Variants in MYOM1 observed in about 807,000 individuals in gnomAD.
MYOM1 encodes myomesin 1.
A neutral mutation model predicts 205.3 loss-of-function variants in MYOM1; 164 were observed. That is an observed-to-expected ratio of 0.80 (90% CI 0.70 to 0.91). MYOM1 has a LOEUF of 0.91. Among genes scored for constraint, MYOM1 ranks in the 40% least tolerant of loss-of-function variants. The pLI is 0.00. For synonymous variants in MYOM1, 772 were observed against 789.4 expected (o/e 0.98, Z 0.37); for missense variants, 2,011 against 2,127.3 (o/e 0.95, Z 1.08).
Position 3,219,025 on chromosome 18 carries a change from C to T in MYOM1, c.-29+778G>A. Among the ~76,000 whole-genome samples, 1 of 152,124 alleles carries T rather than the reference C, an allele frequency of 6.6e-6. No individual in the cohort carries two copies. Among genetic ancestry groups the T allele is most frequent in the Non-Finnish European group, 1.5e-5 (1 of 68,036 alleles). ...CCACCTCCTCTTCATCAAGTAAGCC[C>T]TTGAAGTTAACTAAAGCCAGGATTA... On this transcript the variant is annotated intron_variant, in intron 1 of 37. Transcript: ENST00000356443. The surrounding 1 kb of genome is among the most constrained non-coding windows in gnomAD (Gnocchi z 4.4).
rs754149627 is a variant in MYOM1 at position 3,189,103 on chromosome 18, G to A, written c.432-16C>T. The A allele has an allele frequency of 5.0e-6, 8 of 1,601,678 alleles. No homozygotes were observed. In the South Asian group the frequency reaches 7.8e-5, roughly 16 times the overall value. ...ATGCTTTTGACTAAAACACAACAAT[G>A]GCAAAATGTAGATGTTGTGGATGGC... On this transcript the variant is annotated splice_polypyrimidine_tract_variant and intron_variant, in intron 3 of 37. Coordinates refer to ENST00000356443, the MANE Select transcript of MYOM1 (RefSeq NM_003803.4). This position sits in a 1 kb window ranked among gnomAD's most constrained non-coding sequence, Gnocchi z 4.8.
intron 3 of MYOM1, among the ~76,000 whole-genome samples, chr18:3,192,615 T>A (rs1046749222): frequency 8.5e-5 from 13 of 152,218 alleles, no homozygotes; most frequent in African/African-American, 3.1e-4. Flanking sequence ...GAGTGTCACC[T>A]GAGCTATGGG....
Position 3,134,640 on chromosome 18 carries a change from A to G in MYOM1, c.2384+10T>C, listed in dbSNP as rs865805989. 12 of 1,603,788 alleles carry G rather than the reference A, an allele frequency of 7.5e-6. No individual in the cohort carries two copies. Among genetic ancestry groups the G allele is most frequent in the Middle Eastern group, 1.7e-4 (1 of 6,000 alleles). On this transcript the variant is annotated intron_variant, in intron 16 of 37. Coordinates refer to ENST00000356443, the MANE Select transcript of MYOM1 (RefSeq NM_003803.4). The stretch of plus-strand genomic sequence containing the variant: ...GGCCATTGCCCGCCCTGCACACCCG[A>G]CTGAGTTACCGTGAGCCCTTCACGG...
rs769689422 is a variant in MYOM1 at position 3,129,454 on chromosome 18, T to G, written c.2572A>C (p.Arg858=). The change falls in exon 18 of 38, where the codon AGG becomes CGG. Residue 858 remains arginine (R), a synonymous_variant. Coordinates refer to ENST00000356443, the MANE Select transcript of MYOM1 (RefSeq NM_003803.4). ...SDEPGGLTAS[R]GRVHEASPPT... is the part of the protein sequence containing the mutation. The stretch of plus-strand genomic sequence containing the variant: ...GGGGAGGCTTCATGCACGCGCCCCC[T>G]GGAGGCGGTTAGTCCACCAGGCTCA... 2 of 1,613,928 alleles carry G rather than the reference T, an allele frequency of 1.2e-6. No individual in the cohort carries two copies. The highest frequency in any genetic ancestry group is 8.5e-7 in the Non-Finnish European group (1 of 1,179,858).
Position 3,072,342 on chromosome 18 carries a change from G to A in MYOM1, c.4709-453C>T, listed in dbSNP as rs143667640. Among the ~76,000 whole-genome samples, 358 of 72,236 alleles carry A rather than the reference G, an allele frequency of 5.0e-3. 2 individuals are homozygous for A. The highest frequency in any genetic ancestry group is 0.025 in the African/African-American group (329 of 13,120). The allele number at this position is 72,236 out of a possible 152,430, so 47.4% of individuals were successfully genotyped here. A position where few individuals can be genotyped will look rare whatever the true frequency, so the allele number is the denominator to read the frequency against. ...GGGATTACAGCAGGCGTGAGCCACC[G>A]CACCCGGCTTTTTTTTTTTTTTTTT... On this transcript the variant is annotated intron_variant, in intron 36 of 37. Coordinates refer to ENST00000356443, the MANE Select transcript of MYOM1 (RefSeq NM_003803.4).
the MYOM1 span, among the ~76,000 whole-genome samples, chr18:3,244,456 C>T: frequency 5.3e-5 from 8 of 152,186 alleles, no homozygotes; most frequent in African/African-American, 1.9e-4. Context: ...TCATAACGGT[C>T]GGCCCTAATT....
intron 20 of MYOM1, among the ~76,000 whole-genome samples, chr18:3,118,467 G>C (rs1048979568): frequency 6.6e-6 from 1 of 151,900 alleles, no homozygotes; most frequent in Non-Finnish European, 1.5e-5. Flanking sequence ...TGAGTAGCTG[G>C]GACTACAGGC....
the MYOM1 span, among the ~76,000 whole-genome samples, chr18:3,239,911 G>T: frequency 6.6e-6 from 1 of 151,996 alleles, no homozygotes; most frequent in Non-Finnish European, 1.5e-5. Context: ...AGTGGACAAA[G>T]AATTCATATA....
chr18:3,234,650 A>G, the MYOM1 span, among the ~76,000 whole-genome samples: 2 of 152,106 alleles, frequency 1.3e-5, no homozygotes, highest in African/African-American at 4.8e-5. Context: ...AGCATTTTGA[A>G]GCTATTGCTG....
chr18:3,127,305 A>ATATATATATTTTTTTT (rs56880961), intron 18 of MYOM1, among the ~76,000 whole-genome samples: 4 of 47,570 alleles, frequency 8.4e-5, no homozygotes, highest in Admixed American at 2.9e-4. Context: ...ATATATATAT[A>ATATATATATTTTTTTT]TTTTTTTTTT....
intron 26 of MYOM1, 122 bp downstream of exon 26, chr18:3,094,048 G>T: frequency 1.1e-6 from 1 of 941,862 alleles, no homozygotes; most frequent in Non-Finnish European, 1.6e-6. Flanking sequence ...TTGTGAGAAG[G>T]ATTTAAACTC....
At chr18:3,154,088 T>C (rs1283120602) in intron 11 of MYOM1, among the ~76,000 whole-genome samples, 2 of 152,126 alleles carry the variant, frequency 1.3e-5, no homozygotes, top group South Asian at 2.1e-4. Flanking sequence ...CATCCTGAGG[T>C]AGAAATAAGA....
At chr18:3,241,544 C>G in the MYOM1 span, among the ~76,000 whole-genome samples, 1 of 152,338 alleles carries the variant, frequency 6.6e-6, no homozygotes, top group East Asian at 1.9e-4. Flanking sequence ...GATGCCCAAG[C>G]AGAAGTTTGC....
At chr18:3,071,806 A>G in intron 37 of MYOM1, 28 bp downstream of exon 37, 2 of 1,583,296 alleles carry the variant, frequency 1.3e-6, no homozygotes, top group Non-Finnish European at 1.7e-6. Flanking sequence ...GTGCAGAAGG[A>G]GCAGGCACAG....
intron 5 of MYOM1, 41 bp from the exon 6 acceptor site, chr18:3,176,175 A>ACACTTC: frequency 8.4e-7 from 1 of 1,191,986 alleles, no homozygotes; most frequent in Non-Finnish European, 1.2e-6. Context: ...GTTGAAGTGT[A>ACACTTC]AACAACTTCA....
chr18:3,219,683 T>C lies in MYOM1; in HGVS notation c.-29+120A>G, dbSNP rs1278987011. On this transcript the variant is annotated intron_variant, in intron 1 of 37. Coordinates refer to ENST00000356443, the MANE Select transcript of MYOM1 (RefSeq NM_003803.4). This position sits in a 1 kb window ranked among gnomAD's most constrained non-coding sequence, Gnocchi z 4.4. ...GCTTCACTTTCCTATTTCTCTGTTA[T>C]TCTGACATCTCTTTGAGAAAACTGC... 6.6e-6 allele frequency: 1 copy of C among 152,208 alleles called. No individual in the cohort carries two copies. Among genetic ancestry groups the C allele is most frequent in the Non-Finnish European group, 1.5e-5 (1 of 68,036 alleles). The allele number at this position is 152,208 out of a possible 1,614,324, so 9.4% of individuals were successfully genotyped here. A position where few individuals can be genotyped will look rare whatever the true frequency, so the allele number is the denominator to read the frequency against.
At chr18:3,226,403 C>T in the MYOM1 span, among the ~76,000 whole-genome samples, 1 of 152,138 alleles carries the variant, frequency 6.6e-6, no homozygotes, top group Admixed American at 6.5e-5. This position sits in a 1 kb window ranked among gnomAD's most constrained non-coding sequence, Gnocchi z 4.6. Context: ...CATCTTCACC[C>T]TATGAGCCTC....
intron 13 of MYOM1, among the ~76,000 whole-genome samples, chr18:3,146,282 C>CAAG (rs1226866556): frequency 6.6e-6 from 1 of 151,938 alleles, no homozygotes; most frequent in Non-Finnish European, 1.5e-5. Flanking sequence ...AAAACCAAAC[C>CAAG]AAGACTTTAC....
chr18:3,163,512 G>A (rs1265352831), intron 10 of MYOM1, among the ~76,000 whole-genome samples: 2 of 152,070 alleles, frequency 1.3e-5, no homozygotes, highest in Non-Finnish European at 2.9e-5. Flanking sequence ...GAGTGCAGTG[G>A]CATAATCTCA....
Sources: gnomAD v4.1 joint callset for allele counts (sites outside exome capture counted in the v4.1 genomes callset) on GRCh38, gnomAD v4.1.1 for gene constraint, Gnocchi (gnomAD v3.1) non-coding constraint, MANE v1.5 for transcripts, NCBI Gene and HGNC (gene_info 2026-07-23, HGNC 2026-07-21) for gene names.